Variants in NDST4 observed in about 807,000 individuals in gnomAD.
NDST4 encodes the protein N-deacetylase and N-sulfotransferase 4, also known as N-heparan sulfate sulfotransferase 4.
Under a neutral mutation model 100.8 loss-of-function variants are expected in NDST4, and 63 were observed. The observed-to-expected ratio is 0.62, with a 90% CI of 0.51 to 0.77. NDST4 has a LOEUF of 0.77. NDST4 is among the 30% of genes least tolerant of loss of function. NDST4 has a pLI of 0.00. For missense variants in NDST4, 943 were observed against 1,018.4 expected (o/e 0.93, Z 1.01); for synonymous variants, 377 against 361.8 (o/e 1.04, Z -0.48).
rs1212138055 is a variant in NDST4, at chr4:115,076,436, A to C, written c.601T>G (p.Leu201Val). ...TTGGGGGCTTTGGTAATATGCAGCA[A>C]AGGAGATTGAGGGTTAACAAAACAG... ...KDCFVNPQSP[L>V]LHITKAPKVE... Residue 201 changes from leucine to valine, a missense_variant, in exon 2 of 14, where the codon TTG (leucine) becomes GTG (valine). Physicochemically the swap from Leu to Val is conservative, Grantham distance 32 (BLOSUM62 1). Transcript: ENST00000264363. 6.2e-7 allele frequency: 1 copy of C among 1,613,968 alleles called. No individual in the cohort carries two copies. Among genetic ancestry groups the C allele is most frequent in the Non-Finnish European group, 8.5e-7 (1 of 1,179,956 alleles).
At chr4:114,903,523 T>G (rs1302995378) in intron 6 of NDST4, among the ~76,000 whole-genome samples, 2 of 151,930 alleles carry the variant, frequency 1.3e-5, no homozygotes, top group Admixed American at 6.6e-5. Flanking sequence ...CCACGGAGAT[T>G]TCTGCTTGGG....
At chr4:115,064,511 T>A (rs1375363871) in intron 2 of NDST4, among the ~76,000 whole-genome samples, 1 of 152,028 alleles carries the variant, frequency 6.6e-6, no homozygotes, top group African/African-American at 2.4e-5. Flanking sequence ...GAGTCATAAA[T>A]AGGAAGGAGA....
At chr4:115,038,039 T>C (rs960828239) in intron 2 of NDST4, among the ~76,000 whole-genome samples, 3 of 152,170 alleles carry the variant, frequency 2.0e-5, no homozygotes, top group Non-Finnish European at 4.4e-5. Flanking sequence ...ATATCCTCCA[T>C]GGAGAATACA....
At chr4:114,864,319 G>C (rs1003493565) in intron 7 of NDST4, among the ~76,000 whole-genome samples, 2 of 152,036 alleles carry the variant, frequency 1.3e-5, no homozygotes, top group African/African-American at 4.8e-5. Flanking sequence ...TTTCCCTTTT[G>C]GTATTCCCCT....
chr4:115,027,485 C>T lies in NDST4; in HGVS notation c.978+48574G>A, dbSNP rs572390684. On this transcript the variant is annotated intron_variant, in intron 2 of 13. Coordinates refer to ENST00000264363, the MANE Select transcript of NDST4 (RefSeq NM_022569.3). ...GATAAAGACGACAGCTTACATCCTACCTTCTCCTTAGAAAGAGACTAGGGA... is the reference window on the plus strand; with the variant it reads ...GATAAAGACGACAGCTTACATCCTATCTTCTCCTTAGAAAGAGACTAGGGA... 1.2e-4 allele frequency among the ~76,000 whole-genome samples: 19 copies of T among 152,190 alleles called. No individual in the cohort carries two copies. In the South Asian group the frequency reaches 2.3e-3, roughly 18 times the overall value.
chr4:115,003,198 T>A (rs1727336303), intron 2 of NDST4, among the ~76,000 whole-genome samples: 1 of 152,112 alleles, frequency 6.6e-6, no homozygotes, highest in Non-Finnish European at 1.5e-5. Flanking sequence ...TATAGCTATA[T>A]AACAAACCTG....
At chr4:114,887,115 A>G (rs1459558074) in intron 6 of NDST4, among the ~76,000 whole-genome samples, 6 of 152,192 alleles carry the variant, frequency 3.9e-5, no homozygotes, top group African/African-American at 7.2e-5. Flanking sequence ...GTGAAATCCA[A>G]TATTCCTCAA....
chr4:114,978,581 T>C (rs1212650659), intron 2 of NDST4, among the ~76,000 whole-genome samples: 3 of 152,100 alleles, frequency 2.0e-5, no homozygotes, highest in Non-Finnish European at 4.4e-5. Context: ...TTAAACTAAA[T>C]ATTAAAAACA....
chr4:115,091,504 A>G (rs934388677), intron 1 of NDST4, among the ~76,000 whole-genome samples: 4 of 152,152 alleles, frequency 2.6e-5, no homozygotes, highest in Non-Finnish European at 5.9e-5. Flanking sequence ...CACAAGAGCT[A>G]TATTTGAAAT....
At chr4:114,915,675 G>A (rs1214523176) in intron 6 of NDST4, among the ~76,000 whole-genome samples, 3 of 152,146 alleles carry the variant, frequency 2.0e-5, no homozygotes, top group African/African-American at 7.2e-5. Flanking sequence ...CACCTCATTG[G>A]TTGTTAATTG....
intron 6 of NDST4, among the ~76,000 whole-genome samples, chr4:114,897,825 G>A (rs1048581681): frequency 3.9e-5 from 6 of 152,120 alleles, no homozygotes; most frequent in African/African-American, 1.2e-4. Flanking sequence ...GATGTGGAAC[G>A]TTTCTTCATA....
chr4:115,075,955 T>C (rs1729170768), intron 2 of NDST4, 104 bp downstream of exon 2: 1 of 1,360,260 alleles, frequency 7.4e-7, no homozygotes, highest in East Asian at 2.5e-5. Flanking sequence ...TCAACTCTAC[T>C]GCACCTTAAA....
At chr4:115,033,157 A>ATATATATTTTTTT (rs1491126767) in intron 2 of NDST4, among the ~76,000 whole-genome samples, 1 of 59,946 alleles carries the variant, frequency 1.7e-5, no homozygotes, top group African/African-American at 5.8e-5. Context: ...ATATATATAT[A>ATATATATTTTTTT]TTTTTTTTTT....
chr4:114,897,541 G>A (rs1724742187), intron 6 of NDST4, among the ~76,000 whole-genome samples: 1 of 152,096 alleles, frequency 6.6e-6, no homozygotes, highest in Admixed American at 6.5e-5. Flanking sequence ...GTAAACATTG[G>A]TGTGCACAAT....
At chr4:114,925,248 A>G (rs2126220721) in intron 6 of NDST4, among the ~76,000 whole-genome samples, 1 of 152,288 alleles carries the variant, frequency 6.6e-6, no homozygotes, top group East Asian at 1.9e-4. Flanking sequence ...AGACCTTGAT[A>G]TCAGTAATCA....
intron 2 of NDST4, among the ~76,000 whole-genome samples, chr4:115,046,642 A>G (rs1051041751): frequency 6.6e-6 from 1 of 152,116 alleles, no homozygotes; most frequent in African/African-American, 2.4e-5. Context: ...TGTGTATCAG[A>G]TAGATGATAA....
chr4:114,847,362 C>G (rs1408126912), intron 9 of NDST4, among the ~76,000 whole-genome samples: 1 of 89,228 alleles, frequency 1.1e-5, no homozygotes, highest in Admixed American at 1.7e-4. Flanking sequence ...GGCGACAGAG[C>G]GAGACTCCGT....
At chr4:115,028,346 C>A (rs1296678878) in intron 2 of NDST4, among the ~76,000 whole-genome samples, 1 of 151,972 alleles carries the variant, frequency 6.6e-6, no homozygotes, top group Non-Finnish European at 1.5e-5. Context: ...ACAGAAACTT[C>A]CAGGAGATGA....
chr4:114,968,399 GCATCTGAGC>G (rs1726432324), intron 4 of NDST4, among the ~76,000 whole-genome samples: 1 of 152,156 alleles, frequency 6.6e-6, no homozygotes, highest in Admixed American at 6.6e-5. Context: ...GTGAGAATGT[GCATCTGAGC>G]ATTTTTCAAG....
Sources: gnomAD v4.1 joint callset for allele counts (sites outside exome capture counted in the v4.1 genomes callset) on GRCh38, gnomAD v4.1.1 for gene constraint, MANE v1.5 for transcripts, NCBI Gene and HGNC (gene_info 2026-07-23, HGNC 2026-07-21) for gene names.